The following SAR1A variants were observed in gnomAD, a reference collection of about 807,000 sequenced individuals.
SAR1A encodes small COPII coat GTPase SAR1A.
A neutral mutation model predicts 22.6 loss-of-function variants in SAR1A; 6 were observed. The ratio of observed to expected loss-of-function variants is 0.27; its 90% confidence interval spans 0.15 to 0.52. The LOEUF (loss-of-function observed/expected upper bound fraction) is 0.52, where lower values mean the gene tolerates loss of function less well. Among genes scored for constraint, SAR1A ranks in the 20% least tolerant of loss-of-function variants. The pLI is 0.96. For synonymous variants in SAR1A, 70 were observed against 82.2 expected (o/e 0.85, Z 0.80); for missense variants, 145 against 245.1 (o/e 0.59, Z 2.73).
chr10:70,148,496 G>A lies in SAR1A; in HGVS notation c.*3980C>T, dbSNP rs1839289958. On this transcript the variant is annotated 3_prime_UTR_variant, in exon 7 of 7. Coordinates refer to ENST00000373241, the MANE Select transcript of SAR1A (RefSeq NM_020150.5). Reference sequence around the variant, plus strand: ...ATCCCAACTTCCTAGCAATCAAAGAGTTTTTCTCTTGGTGGAGCACAGGGG... The same window carrying A: ...ATCCCAACTTCCTAGCAATCAAAGAATTTTTCTCTTGGTGGAGCACAGGGG... 6.6e-6 allele frequency: 1 copy of A among 152,204 alleles called. No homozygotes were observed. Among genetic ancestry groups the A allele is most frequent in the Admixed American group, 6.5e-5 (1 of 15,284 alleles). The allele number at this position is 152,204 out of a possible 1,614,324, so 9.4% of individuals were successfully genotyped here. A position where few individuals can be genotyped will look rare whatever the true frequency, so the allele number is the denominator to read the frequency against.
At chr10:70,153,450 T>C (rs766819574) in intron 6 of SAR1A, among the ~76,000 whole-genome samples, 2 of 152,370 alleles carry the variant, frequency 1.3e-5, no homozygotes, top group Middle Eastern at 3.4e-3. Flanking sequence ...AGTGCTTTGA[T>C]TTCAATGCTT....
Position 70,157,885 on chromosome 10 carries a change from T to C in SAR1A, c.245-18A>G. The C allele has an allele frequency of 1.3e-6, 2 of 1,518,380 alleles. No individual in the cohort carries two copies. Among genetic ancestry groups the C allele is most frequent in the Non-Finnish European group, 9.1e-7 (1 of 1,095,428 alleles). 94.1% of individuals were successfully genotyped at this position (1,518,380 alleles called of 1,614,324 possible). A position where few individuals can be genotyped will look rare whatever the true frequency, so the allele number is the denominator to read the frequency against. ...GCGACGTGCTAAAAAACAAAGTTTG[T>C]AGTTGCATGAGTAAAAAATATACAT... On this transcript the variant is annotated intron_variant, in intron 4 of 6. Transcript: ENST00000373241.
At chr10:70,167,083 T>A (rs1330267233) in intron 1 of SAR1A, among the ~76,000 whole-genome samples, 1 of 152,314 alleles carries the variant, frequency 6.6e-6, no homozygotes, top group Middle Eastern at 3.4e-3. Context: ...CTGGTACTGA[T>A]ATTAACACTA....
intron 5 of SAR1A, among the ~76,000 whole-genome samples, chr10:70,154,326 G>C (rs1435491191): frequency 6.6e-6 from 1 of 152,156 alleles, no homozygotes; most frequent in Non-Finnish European, 1.5e-5. Flanking sequence ...TGGCTACAGA[G>C]CCTCAAAGAT....
chr10:70,159,515 G>A (rs10999165), intron 4 of SAR1A, among the ~76,000 whole-genome samples: 55,362 of 151,960 alleles, frequency 0.36, 10,664 homozygotes, highest in Non-Finnish European at 0.4. Flanking sequence ...GCAACATGGC[G>A]GAAACCCAGT....
At position 70,153,968 on chromosome 10, in the gene SAR1A, G is replaced by T; in HGVS notation, c.350C>A (p.Ala117Asp). ...GGATATTGTTTCATCAGTCATTAAA[G>T]CCTAAAGATTGAAAAAAAAGAAAAA... is the stretch of plus-strand genomic sequence containing the variant. Reference protein sequence around the residue: ...RLVESKVELNALMTDETISNV... With the variant: ...RLVESKVELNDLMTDETISNV... The change falls in exon 6 of 7, where the codon GCT becomes GAT. Residue 117 changes from alanine to aspartate, a missense_variant and splice_region_variant. Ala to Asp is a moderately radical substitution (Grantham distance 126, BLOSUM62 -2). Coordinates refer to ENST00000373241, the MANE Select transcript of SAR1A (RefSeq NM_020150.5). The T allele has an allele frequency of 6.4e-7, 1 of 1,557,684 alleles. No homozygotes were observed. Among genetic ancestry groups the T allele is most frequent in the Non-Finnish European group, 8.6e-7 (1 of 1,159,150 alleles).
intron 1 of SAR1A, among the ~76,000 whole-genome samples, chr10:70,169,677 T>G (rs1839599753): frequency 6.6e-6 from 1 of 152,204 alleles, no homozygotes; most frequent in South Asian, 2.1e-4. Context: ...TTTAGCTAAC[T>G]CTGCTTAGCT....
At chr10:70,165,769 T>C (rs973125296) in intron 1 of SAR1A, among the ~76,000 whole-genome samples, 2 of 152,138 alleles carry the variant, frequency 1.3e-5, no homozygotes, top group African/African-American at 4.8e-5. Flanking sequence ...AGCAGCAGGG[T>C]TTAAGAGGAC....
chr10:70,157,645 C>T (rs546615846), intron 5 of SAR1A, 119 bp downstream of exon 5: 8 of 655,538 alleles, frequency 1.2e-5, no homozygotes, highest in African/African-American at 7.4e-5. Flanking sequence ...GGTCTTTTTG[C>T]CAAATGTTAA....
At chr10:70,157,645 C>G (rs546615846) in intron 5 of SAR1A, 119 bp downstream of exon 5, 2 of 655,416 alleles carry the variant, frequency 3.1e-6, no homozygotes, top group Admixed American at 6.2e-5. Flanking sequence ...GGTCTTTTTG[C>G]CAAATGTTAA....
chr10:70,156,833 T>C (rs1050915982), intron 5 of SAR1A, among the ~76,000 whole-genome samples: 3 of 151,784 alleles, frequency 2.0e-5, no homozygotes, highest in Non-Finnish European at 4.4e-5. Context: ...AAAGAAGAGA[T>C]ATAGGGTAAA....
chr10:70,165,031 C>A (rs1176941926), intron 1 of SAR1A, among the ~76,000 whole-genome samples: 1 of 151,968 alleles, frequency 6.6e-6, no homozygotes, highest in Admixed American at 6.6e-5. Context: ...TTTGGGAGGC[C>A]GAGGCGGGCG....
At chr10:70,163,235 T>TA (rs1316012796) in intron 1 of SAR1A, among the ~76,000 whole-genome samples, 6 of 152,086 alleles carry the variant, frequency 3.9e-5, no homozygotes, top group Admixed American at 2.0e-4. Flanking sequence ...TTATTGCTGA[T>TA]AAAAAATAAT....
At chr10:70,158,525 G>A (rs1011529156) in intron 4 of SAR1A, among the ~76,000 whole-genome samples, 2 of 152,090 alleles carry the variant, frequency 1.3e-5, no homozygotes, top group African/African-American at 4.8e-5. Context: ...AAACGATAAA[G>A]GCTGGGAAGC....
intron 1 of SAR1A, among the ~76,000 whole-genome samples, chr10:70,165,079 A>G (rs878949987): frequency 1.3e-5 from 2 of 151,782 alleles, no homozygotes; most frequent in African/African-American, 4.8e-5. Flanking sequence ...TCCCGGCTAA[A>G]ACGGTGAAAC....
At chr10:70,169,800 C>A (rs1249116379) in intron 1 of SAR1A, among the ~76,000 whole-genome samples, 1 of 152,176 alleles carries the variant, frequency 6.6e-6, no homozygotes, top group Non-Finnish European at 1.5e-5. Context: ...TGGCTAGAAT[C>A]GTGAAGAAAA....
In SAR1A at chr10:70,162,508, AGGAGGGGATGGAAGG is replaced by A. The variant is rs1333260659; in HGVS notation, c.-16-592_-16-578del. 2.0e-4 allele frequency among the ~76,000 whole-genome samples: 11 copies of A among 54,288 alleles called. No individual in the cohort carries two copies. In the South Asian group the frequency reaches 8.1e-3, roughly 40 times the overall value. The allele number at this position is 54,288 out of a possible 152,430, so 35.6% of individuals were successfully genotyped here. On this transcript the variant is annotated intron_variant, in intron 1 of 6. Coordinates refer to ENST00000373241, the MANE Select transcript of SAR1A (RefSeq NM_020150.5). ...AGGGGGAGGGGAGGAGGGGAAGGGG[AGGAGGGGATGGAAGG>A]GGAGGGGAGGAAGCAAAGTAAAGAG... is the stretch of plus-strand genomic sequence containing the variant.
chr10:70,163,757 G>A, intron 1 of SAR1A: 1 of 980,952 alleles, frequency 1.0e-6, no homozygotes, highest in Non-Finnish European at 1.7e-6. Context: ...CAAAGATGGT[G>A]ATGGAACTAT....
At chr10:70,156,742 GT>G (rs1247114511) in intron 5 of SAR1A, among the ~76,000 whole-genome samples, 2 of 151,366 alleles carry the variant, frequency 1.3e-5, no homozygotes, top group African/African-American at 4.8e-5. Flanking sequence ...AGCTATAGAT[GT>G]GAGAAACATA....
Sources: allele counts gnomAD v4.1 joint callset (sites outside exome capture counted in the v4.1 genomes callset), GRCh38; gene constraint gnomAD v4.1.1; transcripts MANE v1.5; gene names NCBI Gene and HGNC (gene_info 2026-07-23, HGNC 2026-07-21).